Variants in MAP4K3 observed in about 807,000 individuals in gnomAD.
MAP4K3 encodes MAPK/ERK kinase kinase kinase 3.
A neutral mutation model predicts 143.5 loss-of-function variants in MAP4K3; 94 were observed. That is an observed-to-expected ratio of 0.65 (90% CI 0.55 to 0.78). The LOEUF (loss-of-function observed/expected upper bound fraction) is 0.78, where lower values mean the gene tolerates loss of function less well. Ranked by LOEUF, MAP4K3 falls within the 30% of genes least tolerant of loss-of-function variation. MAP4K3 has a pLI of 0.00. For missense variants in MAP4K3, 1,077 were observed against 1,068.1 expected (o/e 1.01, Z -0.12); for synonymous variants, 416 against 347.2 (o/e 1.20, Z -2.20).
At chr2:39,300,833 A>G (rs1350421897) in intron 15 of MAP4K3, among the ~76,000 whole-genome samples, 2 of 152,230 alleles carry the variant, frequency 1.3e-5, no homozygotes, top group African/African-American at 4.8e-5. Context: ...CTGCATTTTA[A>G]TCTATTTACA....
chr2:39,372,407 T>C (rs538681602), intron 2 of MAP4K3, among the ~76,000 whole-genome samples: 2 of 151,202 alleles, frequency 1.3e-5, no homozygotes, highest in East Asian at 3.9e-4. Context: ...AAAATATGAA[T>C]GACATTCTTC....
At chr2:39,284,252 C>T (rs1208736469) in intron 21 of MAP4K3, among the ~76,000 whole-genome samples, 1 of 152,062 alleles carries the variant, frequency 6.6e-6, no homozygotes, top group Non-Finnish European at 1.5e-5. Flanking sequence ...ACCTCTGCCT[C>T]CCAGGTTCAA....
chr2:39,416,256 C>A (rs2148622885), intron 1 of MAP4K3, among the ~76,000 whole-genome samples: 2 of 151,818 alleles, frequency 1.3e-5, no homozygotes, highest in Non-Finnish European at 2.9e-5. Flanking sequence ...ACCAATGAAA[C>A]CAAATGCTAA....
At chr2:39,391,285 G>A (rs1052490834) in intron 1 of MAP4K3, among the ~76,000 whole-genome samples, 1 of 149,340 alleles carries the variant, frequency 6.7e-6, no homozygotes, top group Non-Finnish European at 1.5e-5. Context: ...CGTGAACCCA[G>A]GCGGCAGAGC....
chr2:39,362,886 T>C (rs1392220876), intron 2 of MAP4K3, among the ~76,000 whole-genome samples: 2 of 151,862 alleles, frequency 1.3e-5, no homozygotes, highest in African/African-American at 2.4e-5. Flanking sequence ...AAACCCAAAA[T>C]AAACACATGC....
Position 39,391,301 on chromosome 2 carries a change from G to C in MAP4K3, c.97-13178C>G, listed in dbSNP as rs148130906. Among the ~76,000 whole-genome samples the C allele has an allele frequency of 2.9e-3, 397 of 136,854 alleles. 13 individuals are homozygous for C. In the East Asian group the frequency reaches 0.089, roughly 31 times the overall value. 89.8% of individuals were successfully genotyped at this position (136,854 alleles called of 152,430 possible). On this transcript the variant is annotated intron_variant, in intron 1 of 33. Transcript: ENST00000263881. Reference sequence around the variant, plus strand: ...GTGAACCCAGGCGGCAGAGCTTGCAGTGAGCCGAGATTGTGCCACTGCACT... The same window carrying C: ...GTGAACCCAGGCGGCAGAGCTTGCACTGAGCCGAGATTGTGCCACTGCACT...
intron 1 of MAP4K3, among the ~76,000 whole-genome samples, chr2:39,391,378 AAAAG>A (rs1380000845): frequency 6.8e-6 from 1 of 146,922 alleles, no homozygotes; most frequent in Non-Finnish European, 1.5e-5. Context: ...AAAAAAAAAA[AAAAG>A]AAAGAAAGAA....
intron 19 of MAP4K3, among the ~76,000 whole-genome samples, chr2:39,289,614 A>G (rs999221611): frequency 1.3e-5 from 2 of 152,250 alleles, no homozygotes; most frequent in South Asian, 2.1e-4. Flanking sequence ...TGAAAATTAA[A>G]TATCTATGAT....
chr2:39,364,384 A>C (rs1353066370), intron 2 of MAP4K3, among the ~76,000 whole-genome samples: 2 of 152,234 alleles, frequency 1.3e-5, no homozygotes, highest in Non-Finnish European at 2.9e-5. Flanking sequence ...TGTTAAGAGA[A>C]TAGGTATCAT....
At chr2:39,304,382 C>A (rs1026805593) in intron 15 of MAP4K3, among the ~76,000 whole-genome samples, 1 of 152,146 alleles carries the variant, frequency 6.6e-6, no homozygotes, top group Admixed American at 6.5e-5. Context: ...AAGATGAGGG[C>A]CAGACATTCT....
At chr2:39,292,642 A>G in intron 18 of MAP4K3, 131 bp downstream of exon 18, 1 of 759,444 alleles carries the variant, frequency 1.3e-6, no homozygotes, top group Non-Finnish European at 2.3e-6. Context: ...GAAAAAAGGA[A>G]GGAAACTGAG....
At chr2:39,321,075 C>G (rs1683285424) in intron 12 of MAP4K3, among the ~76,000 whole-genome samples, 1 of 152,094 alleles carries the variant, frequency 6.6e-6, no homozygotes, top group South Asian at 2.1e-4. Context: ...ACATGTGCAA[C>G]CTGCTTTTTA....
At position 39,328,474 on chromosome 2, in the gene MAP4K3, A is replaced by G. The variant is rs575342059; in HGVS notation, c.531-2197T>C. Among the ~76,000 whole-genome samples, 13 of 152,368 alleles carry G rather than the reference A, an allele frequency of 8.5e-5. No homozygotes were observed. In the East Asian group the frequency reaches 2.5e-3, roughly 29 times the overall value. On this transcript the variant is annotated intron_variant, in intron 8 of 33. Transcript: ENST00000263881. ...AATGGCAGAAAACTGGGAAGGCTACAGATTATATGATTCCATTTCTATGCC... is the reference window on the plus strand; with the variant it reads ...AATGGCAGAAAACTGGGAAGGCTACGGATTATATGATTCCATTTCTATGCC...
intron 27 of MAP4K3, among the ~76,000 whole-genome samples, chr2:39,266,133 T>G (rs1421124850): frequency 1.3e-5 from 2 of 152,182 alleles, no homozygotes; most frequent in African/African-American, 4.8e-5. Flanking sequence ...TGTCCTCAGG[T>G]AGAGTCAAGT....
chr2:39,309,546 GGA>G, intron 13 of MAP4K3, 27 bp from the exon 14 acceptor site: 2 of 792,250 alleles, frequency 2.5e-6, no homozygotes, highest in African/African-American at 1.8e-5. Flanking sequence ...AGTAAAACCA[GGA>G]TTTTTTTTTT....
chr2:39,375,097 C>A (rs148938674), intron 2 of MAP4K3, among the ~76,000 whole-genome samples: 1 of 151,982 alleles, frequency 6.6e-6, no homozygotes. Context: ...CCTGTCTCTA[C>A]AAAAAATAAA....
At chr2:39,316,455 T>C (rs549067441) in intron 12 of MAP4K3, among the ~76,000 whole-genome samples, 4 of 152,198 alleles carry the variant, frequency 2.6e-5, no homozygotes, top group East Asian at 3.9e-4. Context: ...AGAACAGAGG[T>C]GAACTGGAGA....
rs1682103350 is a variant in MAP4K3, at chr2:39,292,801, C to G, written c.1243G>C (p.Asp415His). 4 of 1,613,374 alleles carry G rather than the reference C, an allele frequency of 2.5e-6. No individual in the cohort carries two copies. The highest frequency in any genetic ancestry group is 3.4e-6 in the Non-Finnish European group (4 of 1,179,546). ...TTAGATTCATCATCATCTCCTTCAT[C>G]ATCTTCTAAATGTGCGACGTGTCCT... ...QRGHVAHLED[D>H]EGDDDESKHS... is the part of the protein sequence containing the mutation. Residue 415 changes from aspartate to histidine, a missense_variant, in exon 18 of 34, where the codon GAT (aspartate) becomes CAT (histidine). Asp to His is a moderately conservative substitution (Grantham distance 81). Transcript: ENST00000263881.
intron 1 of MAP4K3, among the ~76,000 whole-genome samples, chr2:39,397,500 T>A (rs1319931423): frequency 6.6e-6 from 1 of 152,186 alleles, no homozygotes; most frequent in Non-Finnish European, 1.5e-5. Flanking sequence ...AAAGTTATAA[T>A]CATATTCTTA....
Sources: gnomAD v4.1 joint callset for allele counts (sites outside exome capture counted in the v4.1 genomes callset) on GRCh38, gnomAD v4.1.1 for gene constraint, MANE v1.5 for transcripts, NCBI Gene and HGNC (gene_info 2026-07-23, HGNC 2026-07-21) for gene names.